TET3: variants seen among roughly 807,000 people sequenced by gnomAD.
TET3 encodes tet methylcytosine dioxygenase 3, also known as methylcytosine dioxygenase TET3.
A neutral mutation model predicts 141.4 loss-of-function variants in TET3; 19 were observed. The observed-to-expected ratio is 0.13, with a 90% CI of 0.09 to 0.20. TET3 has a LOEUF of 0.20. Among genes scored for constraint, TET3 ranks in the 10% least tolerant of loss-of-function variants. The pLI is 1.00. For synonymous variants in TET3, 1,043 were observed against 980.9 expected (o/e 1.06, Z -1.18); for missense variants, 1,874 against 2,356.9 (o/e 0.80, Z 4.24).
intron 6 of TET3, among the ~76,000 whole-genome samples, chr2:74,082,700 G>C (rs1182314255): frequency 1.3e-5 from 2 of 152,014 alleles, no homozygotes; most frequent in Non-Finnish European, 1.5e-5. Flanking sequence ...GTTTTCTTTT[G>C]GCTACACAGC....
At chr2:73,987,435 G>A (rs1321580225) in intron 2 of TET3, among the ~76,000 whole-genome samples, 1 of 152,166 alleles carries the variant, frequency 6.6e-6, no homozygotes, top group Non-Finnish European at 1.5e-5. Flanking sequence ...TGGGGTGAGA[G>A]CAGGCAGGGT....
chr2:74,025,311 T>C (rs1199305378), intron 3 of TET3, among the ~76,000 whole-genome samples: 1 of 149,438 alleles, frequency 6.7e-6, no homozygotes, highest in Non-Finnish European at 1.5e-5. Context: ...TTTTTTGAGA[T>C]GGAGTCTCGC....
chr2:74,072,019 C>T (rs1689234214), intron 4 of TET3, among the ~76,000 whole-genome samples: 1 of 152,186 alleles, frequency 6.6e-6, no homozygotes, highest in African/African-American at 2.4e-5. Context: ...AACCACATCT[C>T]CCTCCAGTTT....
At chr2:74,062,571 T>C (rs73951132) in intron 4 of TET3, among the ~76,000 whole-genome samples, 1,858 of 152,334 alleles carry the variant, frequency 0.012, 37 homozygotes, top group African/African-American at 0.042. Flanking sequence ...CTAACTTTTC[T>C]CTTTAGAAGT....
chr2:74,080,392 G>A, intron 5 of TET3, 106 bp from the exon 6 acceptor site: 1 of 970,010 alleles, frequency 1.0e-6, no homozygotes, highest in Non-Finnish European at 1.6e-6. Context: ...GCCCCCGACG[G>A]TAACCAGAAA....
At chr2:74,118,448 G>A in the TET3 span, among the ~76,000 whole-genome samples, 2 of 152,202 alleles carry the variant, frequency 1.3e-5, no homozygotes, top group Non-Finnish European at 2.9e-5. Flanking sequence ...TACTGTAAAT[G>A]TATTTTCATT....
At chr2:74,123,651 G>A in the TET3 span, among the ~76,000 whole-genome samples, 16 of 152,194 alleles carry the variant, frequency 1.1e-4, no homozygotes, top group African/African-American at 2.2e-4. Context: ...CCAAAGTGCC[G>A]AGGTTGCAGC....
At position 74,102,248 on chromosome 2, in the gene TET3, C is replaced by T. The variant is rs1341211876; in HGVS notation, c.*72C>T. 1 of 1,367,024 alleles carries T rather than the reference C, an allele frequency of 7.3e-7. No homozygotes were observed. Among genetic ancestry groups the T allele is most frequent in the Non-Finnish European group, 9.4e-7 (1 of 1,058,580 alleles). 84.7% of individuals were successfully genotyped at this position (1,367,024 alleles called of 1,614,324 possible). On this transcript the variant is annotated 3_prime_UTR_variant, in exon 12 of 12. Coordinates refer to ENST00000409262, the MANE Select transcript of TET3 (RefSeq NM_001287491.2). ...TCTCTGTGGTGCTTTTGCCCTCATA[C>T]CTGGGGGCGGGTTGGGGGTGCAGAA...
At position 74,087,898 on chromosome 2, in the gene TET3, C is replaced by T; in HGVS notation, c.2748C>T (p.Cys916=). 1.3e-6 allele frequency: 2 copies of T among 1,551,924 alleles called. No homozygotes were observed. Among genetic ancestry groups the T allele is most frequent in the Non-Finnish European group, 1.7e-6 (2 of 1,147,100 alleles). The change falls in exon 7 of 12, where the codon TGC becomes TGT. Residue 916 remains cysteine (C), a synonymous_variant. Coordinates refer to ENST00000409262, the MANE Select transcript of TET3 (RefSeq NM_001287491.2). The surrounding 1 kb of genome is among the most constrained non-coding windows in gnomAD (Gnocchi z 4.3). ...TGCGGCACCGGGCAGGCCACCACTG[C>T]CAGAACGCTGTGATCGTCATCCTCA... The part of the protein sequence containing the change: ...CLVRHRAGHH[C]QNAVIVILIL...
At chr2:73,999,470 C>G (rs1684743034) in intron 2 of TET3, among the ~76,000 whole-genome samples, 1 of 152,182 alleles carries the variant, frequency 6.6e-6, no homozygotes, top group South Asian at 2.1e-4. Context: ...AAGAATGTGT[C>G]TGGTTGTGTC....
intron 1 of TET3, among the ~76,000 whole-genome samples, chr2:73,985,604 C>T (rs951988672): frequency 1.3e-5 from 2 of 151,394 alleles, no homozygotes; most frequent in Admixed American, 1.3e-4. Context: ...TCCCGCCGAG[C>T]GAGGCTCTCA....
chr2:74,002,712 G>A (rs1684923620), intron 2 of TET3: 2 of 436,604 alleles, frequency 4.6e-6, no homozygotes, highest in South Asian at 5.8e-5. Flanking sequence ...GCTGGCCGCC[G>A]CCTCCTCTGC....
intron 2 of TET3, among the ~76,000 whole-genome samples, chr2:73,989,769 G>A (rs1179875622): frequency 1.3e-5 from 2 of 152,126 alleles, no homozygotes; most frequent in Non-Finnish European, 1.5e-5. Flanking sequence ...CTGAGTGGTG[G>A]CTTGGTAGTA....
At chr2:74,091,734 C>T (rs528896304) in intron 8 of TET3, among the ~76,000 whole-genome samples, 1 of 152,368 alleles carries the variant, frequency 6.6e-6, no homozygotes, top group Admixed American at 6.5e-5. Flanking sequence ...TCTCTTCCTG[C>T]TTTCTTCTTC....
At chr2:74,073,176 G>A (rs1018511551) in intron 4 of TET3, among the ~76,000 whole-genome samples, 1 of 152,158 alleles carries the variant, frequency 6.6e-6, no homozygotes, top group Non-Finnish European at 1.5e-5. Flanking sequence ...GAGGGAAGTA[G>A]CTTGCTGACC....
Position 74,107,438 on chromosome 2 carries a change from G to A in TET3, c.*5262G>A, listed in dbSNP as rs191164214. On this transcript the variant is annotated 3_prime_UTR_variant, in exon 12 of 12. Transcript: ENST00000409262. ...GCGTTTTGACTACCCGTCATTCAGG[G>A]GTAACTCATCACTCTTCACACGGGG... The A allele has an allele frequency of 1.1e-4, 17 of 152,196 alleles. No homozygotes were observed. The highest frequency in any genetic ancestry group is 1.8e-4 in the Non-Finnish European group (12 of 68,016). The allele number at this position is 152,196 out of a possible 1,614,324, so 9.4% of individuals were successfully genotyped here. A position where few individuals can be genotyped will look rare whatever the true frequency, so the allele number is the denominator to read the frequency against.
intron 4 of TET3, among the ~76,000 whole-genome samples, chr2:74,069,691 A>G (rs1161745784): frequency 6.6e-6 from 1 of 151,768 alleles, no homozygotes; most frequent in East Asian, 1.9e-4. Flanking sequence ...GTATCAAGTG[A>G]TCCTCCTGCC....
rs200627355 is a variant in TET3, at chr2:74,048,006, A to G, written c.2089A>G (p.Thr697Ala). Reference protein sequence around the residue: ...SPMTALQPGSTGPLPPADDKL... With the variant: ...SPMTALQPGSAGPLPPADDKL... The stretch of plus-strand genomic sequence containing the variant: ...CATGACAGCCTTGCAGCCAGGCTCC[A>G]CTGGCCCTCTTCCCCCTGCCGATGA... The change falls in exon 4 of 12, where the codon ACT becomes GCT. Residue 697 changes from threonine (T) to alanine (A), a missense_variant. Around this residue, in one of 10 missense-constraint regions of TET3, gnomAD observed 484 missense variants for 462.2 expected, o/e 1.05. Transcript: ENST00000409262. The G allele has an allele frequency of 6.5e-5, 105 of 1,609,028 alleles. No individual in the cohort carries two copies. The African/African-American group carries it at 7.7e-4, about 12-fold the overall frequency.
chr2:74,052,424 A>G (rs1687993128), intron 4 of TET3, among the ~76,000 whole-genome samples: 2 of 152,274 alleles, frequency 1.3e-5, no homozygotes, highest in Admixed American at 1.3e-4. Flanking sequence ...TGGTAGGTAG[A>G]GAGTTATAGG....
Sources: allele counts gnomAD v4.1 joint callset (sites outside exome capture counted in the v4.1 genomes callset), GRCh38; gene constraint gnomAD v4.1.1; regional missense constraint gnomAD v4.1.1; non-coding constraint Gnocchi (gnomAD v3.1); transcripts MANE v1.5; gene names NCBI Gene and HGNC (gene_info 2026-07-23, HGNC 2026-07-21).